Variants in MREG observed in about 807,000 individuals in gnomAD.
MREG encodes dilute suppressor protein homolog.
In MREG, 31 loss-of-function variants were observed where a neutral mutation model predicts 28.5. The ratio of observed to expected loss-of-function variants is 1.09; its 90% CI spans 0.82 to 1.47. MREG has a LOEUF of 1.47. Ranked by LOEUF, MREG falls within the 40% of genes most tolerant of loss-of-function variation. The probability of loss-of-function intolerance (pLI) is 0.00; values close to 1 mark genes in which losing one functional copy is unlikely to be tolerated. For synonymous variants in MREG, 106 were observed against 95.2 expected (o/e 1.11, Z -0.66); for missense variants, 256 against 257.4 (o/e 0.99, Z 0.04).
At chr2:216,017,663 C>T (rs1378398057), upstream of MREG, among the ~76,000 whole-genome samples, 2 of 152,158 alleles carry the variant, frequency 1.3e-5, no homozygotes, top group Non-Finnish European at 2.9e-5. Context: ...GACTCACAGA[C>T]CCATCAGCTG....
At chr2:215,963,361 C>T (rs1239090743) in intron 2 of MREG, among the ~76,000 whole-genome samples, 1 of 145,678 alleles carries the variant, frequency 6.9e-6, no homozygotes, top group Non-Finnish European at 1.5e-5. Flanking sequence ...GCCTGGGAGG[C>T]GGAGATTGCA....
At chr2:215,990,711 C>A (rs1330033023) in intron 2 of MREG, among the ~76,000 whole-genome samples, 1 of 151,918 alleles carries the variant, frequency 6.6e-6, no homozygotes, top group Non-Finnish European at 1.5e-5. Flanking sequence ...ATTTACCAAG[C>A]AAATGGAAAG....
At chr2:215,991,690 C>T (rs1006475201) in intron 2 of MREG, among the ~76,000 whole-genome samples, 4 of 151,942 alleles carry the variant, frequency 2.6e-5, no homozygotes, top group Non-Finnish European at 5.9e-5. Context: ...CAAACAGATG[C>T]AATGAAAAAT....
chr2:215,987,538 C>A (rs1007847543), intron 2 of MREG, among the ~76,000 whole-genome samples: 1 of 152,116 alleles, frequency 6.6e-6, no homozygotes, highest in African/African-American at 2.4e-5. Flanking sequence ...AGCCACCATA[C>A]CCGGCAACAT....
At chr2:216,001,996 G>A (rs1374202766) in intron 1 of MREG, among the ~76,000 whole-genome samples, 2 of 152,250 alleles carry the variant, frequency 1.3e-5, no homozygotes, top group Admixed American at 6.5e-5. Flanking sequence ...GACAGATGGC[G>A]GGAAACAGAC....
intron 2 of MREG, among the ~76,000 whole-genome samples, chr2:215,950,913 A>C (rs1692464353): frequency 6.6e-6 from 1 of 152,140 alleles, no homozygotes; most frequent in Admixed American, 6.5e-5. Flanking sequence ...CTAATGGTTT[A>C]GCACCATCCA....
chr2:215,942,138 G>A (rs1311171618), downstream of MREG, among the ~76,000 whole-genome samples: 2 of 152,082 alleles, frequency 1.3e-5, no homozygotes, highest in African/African-American at 4.8e-5. Context: ...TTGATCTACT[G>A]GTTAGAGGGT....
At chr2:216,024,092 A>C (rs1477244189) in intron 1 of MREG, among the ~76,000 whole-genome samples, 3 of 152,114 alleles carry the variant, frequency 2.0e-5, no homozygotes, top group Non-Finnish European at 4.4e-5. Flanking sequence ...GGATGCCTCT[A>C]AGCTCCACTC....
intron 1 of MREG, among the ~76,000 whole-genome samples, chr2:216,025,123 G>A (rs1386544275): frequency 6.6e-6 from 1 of 152,160 alleles, no homozygotes; most frequent in African/African-American, 2.4e-5. Flanking sequence ...GCATGAAAAT[G>A]CACATCTCAT....
intron 2 of MREG, among the ~76,000 whole-genome samples, chr2:215,969,364 C>T (rs114490669): frequency 6.6e-6 from 1 of 152,134 alleles, no homozygotes; most frequent in Non-Finnish European, 1.5e-5. Context: ...AACCACAATG[C>T]CAGTACAGAA....
chr2:215,999,002 G>C (rs535767025), intron 1 of MREG, among the ~76,000 whole-genome samples: 1 of 152,340 alleles, frequency 6.6e-6, no homozygotes, highest in East Asian at 1.9e-4. Context: ...GAACTAACCA[G>C]ACCTGAGGAC....
At chr2:216,026,011 A>T (rs543042356) in intron 1 of MREG, among the ~76,000 whole-genome samples, 1 of 152,236 alleles carries the variant, frequency 6.6e-6, no homozygotes, top group East Asian at 1.9e-4. Flanking sequence ...AGTCTCACCC[A>T]CATAAACATG....
chr2:216,013,904 C>T (rs1261249087), upstream of MREG, among the ~76,000 whole-genome samples: 2 of 152,062 alleles, frequency 1.3e-5, no homozygotes, highest in African/African-American at 4.8e-5. Context: ...TGGATTGATG[C>T]ATATCGGCGT....
intron 1 of MREG, among the ~76,000 whole-genome samples, chr2:216,009,366 G>C (rs979680338): frequency 3.9e-5 from 6 of 152,058 alleles, no homozygotes; most frequent in Non-Finnish European, 8.8e-5. Flanking sequence ...GCTGCTAAGT[G>C]GGGGTTGGGT....
At chr2:216,020,513 G>A (rs1316622480) in intron 1 of MREG, among the ~76,000 whole-genome samples, 1 of 152,108 alleles carries the variant, frequency 6.6e-6, no homozygotes, top group Non-Finnish European at 1.5e-5. Context: ...TGCTGTGCTC[G>A]GAGGGAGAAA....
intron 2 of MREG, among the ~76,000 whole-genome samples, chr2:215,962,149 T>A (rs998389366): frequency 2.0e-5 from 3 of 152,218 alleles, no homozygotes; most frequent in East Asian, 3.8e-4. Flanking sequence ...ACGGCTCCAC[T>A]TGAGTTCTGG....
rs1431036128 is a variant in MREG at position 215,978,648 on chromosome 2, A to C, written c.255+17658T>G. Among the ~76,000 whole-genome samples the C allele has an allele frequency of 2.0e-5, 3 of 152,240 alleles. No homozygotes were observed. The East Asian group carries it at 5.8e-4, about 29-fold the overall frequency. ...AAAAATTCTCAATAAAATACTGGCA[A>C]ACCGAATCCAGCAGCACATCAAAAA... On this transcript the variant is annotated intron_variant, in intron 2 of 4. Coordinates refer to ENST00000263268, the MANE Select transcript of MREG (RefSeq NM_018000.3).
chr2:215,982,590 G>C (rs1456042139), intron 2 of MREG, among the ~76,000 whole-genome samples: 1 of 152,178 alleles, frequency 6.6e-6, no homozygotes, highest in Non-Finnish European at 1.5e-5. Flanking sequence ...GACACAGGGT[G>C]AGTAATGATC....
chr2:215,980,890 CAGGGCAGGGCAGGGA>C (rs1413357443), intron 2 of MREG, among the ~76,000 whole-genome samples: 10 of 133,568 alleles, frequency 7.5e-5, no homozygotes, highest in Middle Eastern at 3.7e-3. Context: ...CAGGGCAGGA[CAGGGCAGGGCAGGGA>C]AGGGCAGGGA....
Sources: allele counts gnomAD v4.1 joint callset (sites outside exome capture counted in the v4.1 genomes callset), GRCh38; gene constraint gnomAD v4.1.1; transcripts MANE v1.5; gene names NCBI Gene and HGNC (gene_info 2026-07-23, HGNC 2026-07-21).